FOXP4: variants seen among roughly 807,000 people sequenced by gnomAD.
FOXP4 encodes the protein forkhead box P4.
FOXP4 carries 25 observed loss-of-function variants against 82.6 expected under a neutral mutation model. The observed-to-expected ratio is 0.30, with a 90% CI of 0.22 to 0.42. The LOEUF (loss-of-function observed/expected upper bound fraction) is 0.42. FOXP4 is among the 10% of genes least tolerant of loss of function. The pLI, the probability that FOXP4 is intolerant of heterozygous loss-of-function variation, is 1.00. For synonymous variants in FOXP4, 415 were observed against 388.2 expected (o/e 1.07, Z -0.81); for missense variants, 785 against 900.9 (o/e 0.87, Z 1.65).
intron 1 of FOXP4, among the ~76,000 whole-genome samples, chr6:41,547,734 G>T (rs1030206560): frequency 2.0e-5 from 3 of 151,834 alleles, no homozygotes; most frequent in Non-Finnish European, 1.5e-5. Flanking sequence ...GGCCACGGGG[G>T]CCCGGAGGCC....
chr6:41,568,036 T>G (rs1764979084), intron 2 of FOXP4, among the ~76,000 whole-genome samples: 1 of 152,232 alleles, frequency 6.6e-6, no homozygotes, highest in Admixed American at 6.5e-5. Flanking sequence ...AGATTTCCAA[T>G]TAAAATGAAA....
At chr6:41,572,808 C>G (rs943292832) in intron 2 of FOXP4, among the ~76,000 whole-genome samples, 21 of 152,212 alleles carry the variant, frequency 1.4e-4, no homozygotes, top group Non-Finnish European at 2.4e-4. Context: ...CTTGGTTTCT[C>G]TTCCCTGTGC....
At chr6:41,556,619 C>T (rs757069758) in intron 1 of FOXP4, among the ~76,000 whole-genome samples, 6 of 151,948 alleles carry the variant, frequency 3.9e-5, no homozygotes, top group Non-Finnish European at 8.8e-5. Context: ...CCACCGCGCC[C>T]GGCAAGCGAA....
At chr6:41,569,154 G>T (rs1289805772) in intron 2 of FOXP4, among the ~76,000 whole-genome samples, 1 of 152,176 alleles carries the variant, frequency 6.6e-6, no homozygotes, top group Non-Finnish European at 1.5e-5. Context: ...GCAGTCTTAT[G>T]CCCTATGGGG....
chr6:41,570,848 C>G (rs376566509), intron 2 of FOXP4, among the ~76,000 whole-genome samples: 1 of 152,148 alleles, frequency 6.6e-6, no homozygotes, highest in East Asian at 1.9e-4. Flanking sequence ...CAGGGCAGAA[C>G]TTGGCCTGGA....
intron 2 of FOXP4, among the ~76,000 whole-genome samples, chr6:41,577,768 A>C (rs1765567731): frequency 6.6e-6 from 1 of 152,066 alleles, no homozygotes; most frequent in Non-Finnish European, 1.5e-5. Context: ...ACTGGGTCCC[A>C]GGCTGAGTCT....
chr6:41,598,170 T>C (rs2127410344), intron 16 of FOXP4, among the ~76,000 whole-genome samples: 2 of 137,358 alleles, frequency 1.5e-5, no homozygotes, highest in South Asian at 2.5e-4. Context: ...TCCCACCTTC[T>C]CCTCCCCATT....
In FOXP4 at chr6:41,581,005, A is replaced by G. The variant is rs547036444; in HGVS notation, c.300+2924A>G. Among the ~76,000 whole-genome samples, 11 of 152,368 alleles carry G rather than the reference A, an allele frequency of 7.2e-5. No homozygotes were observed. The East Asian group carries it at 1.3e-3, about 19-fold the overall frequency. On this transcript the variant is annotated intron_variant, in intron 3 of 16. Coordinates refer to ENST00000307972, the MANE Select transcript of FOXP4 (RefSeq NM_001012426.2). ...CCTGGACCCCACCAGGGAGAGACCT[A>G]TCATAGAAGGCAGCACAGGTGGCCG...
chr6:41,577,991 C>A lies in FOXP4; in HGVS notation c.210C>A (p.Leu70=), dbSNP rs141432353. 19 of 1,612,238 alleles carry A rather than the reference C, an allele frequency of 1.2e-5. No homozygotes were observed. The highest frequency in any genetic ancestry group is 1.5e-5 in the Non-Finnish European group (18 of 1,179,884). Residue 70 remains leucine, a synonymous_variant, in exon 3 of 17, where the codon CTC becomes CTA. Transcript: ENST00000307972. ...ELLHFQQQQA[L]QVARQFLLQQ... Reference sequence around the variant, plus strand: ...ACTCAGCCCCTGTCTTGCAGGCTCTCCAAGTGGCCCGGCAGTTCCTGCTGC... The same window carrying A: ...ACTCAGCCCCTGTCTTGCAGGCTCTACAAGTGGCCCGGCAGTTCCTGCTGC...
chr6:41,562,672 A>C (rs1015176302), intron 1 of FOXP4, among the ~76,000 whole-genome samples: 1 of 152,134 alleles, frequency 6.6e-6, no homozygotes, highest in Non-Finnish European at 1.5e-5. Context: ...TCTCCTTTGC[A>C]TGCATACACC....
At chr6:41,575,736 C>T (rs1473861833) in intron 2 of FOXP4, among the ~76,000 whole-genome samples, 1 of 133,794 alleles carries the variant, frequency 7.5e-6, no homozygotes, top group Non-Finnish European at 1.6e-5. Context: ...CAGGGCTCTG[C>T]CCCCAACTGC....
intron 1 of FOXP4, among the ~76,000 whole-genome samples, chr6:41,560,900 C>G (rs1198140615): frequency 6.6e-6 from 1 of 152,216 alleles, no homozygotes; most frequent in Non-Finnish European, 1.5e-5. Context: ...GTGGGGTTCC[C>G]CTTCTCTTTT....
At chr6:41,574,506 T>C (rs1388710499) in intron 2 of FOXP4, among the ~76,000 whole-genome samples, 1 of 152,256 alleles carries the variant, frequency 6.6e-6, no homozygotes, top group African/African-American at 2.4e-5. Context: ...GCCTCCCGTA[T>C]TCAGCCTAGA....
chr6:41,575,581 G>A (rs955773646), intron 2 of FOXP4, among the ~76,000 whole-genome samples: 8 of 152,016 alleles, frequency 5.3e-5, no homozygotes, highest in African/African-American at 1.7e-4. Context: ...ACAGGGAGGG[G>A]GAGGTCTCAG....
intron 8 of FOXP4, among the ~76,000 whole-genome samples, chr6:41,588,257 G>A (rs1035938448): frequency 1.3e-5 from 2 of 152,178 alleles, no homozygotes; most frequent in Non-Finnish European, 1.5e-5. Flanking sequence ...CAGGCAGGGC[G>A]GGAGGTGGAC....
chr6:41,597,889 G>A lies in FOXP4; in HGVS notation c.1834G>A (p.Val612Met), dbSNP rs770662735. The change falls in exon 16 of 17, where the codon GTG (valine) becomes ATG (methionine). Residue 612 changes from valine to methionine, a missense_variant. This residue lies in a region of FOXP4 where 184 missense variants were observed against 187.3 expected (regional missense o/e 0.98). Transcript: ENST00000307972. ...CAGCCACGATGACGTGGGTGCCCCC[G>A]TGGAGCCGCTGCCCAGCAACGGCAG... ...PLSHDDVGAP[V>M]EPLPSNGSSS... 1.1e-5 allele frequency: 17 copies of A among 1,590,598 alleles called. No homozygotes were observed. Among genetic ancestry groups the A allele is most frequent in the African/African-American group, 2.7e-5 (2 of 74,490 alleles).
chr6:41,548,625 A>G (rs1387893261), intron 1 of FOXP4: 1 of 152,404 alleles, frequency 6.6e-6, no homozygotes, highest in Non-Finnish European at 1.5e-5. Flanking sequence ...ACCAGGGCTG[A>G]AGGGCCCCCT....
intron 1 of FOXP4, chr6:41,548,280 G>C (rs1763781113): frequency 6.6e-6 from 1 of 152,294 alleles, no homozygotes; most frequent in South Asian, 2.1e-4. Context: ...GCCGGGAATA[G>C]GGGTGGGGAG....
At chr6:41,587,556 G>A in intron 7 of FOXP4, 44 bp downstream of exon 7, 1 of 1,456,346 alleles carries the variant, frequency 6.9e-7, no homozygotes, top group Non-Finnish European at 9.3e-7. Flanking sequence ...GCCTGCCTGG[G>A]GGTAGACCTG....
Sources: allele counts gnomAD v4.1 joint callset (sites outside exome capture counted in the v4.1 genomes callset), GRCh38; gene constraint gnomAD v4.1.1; regional missense constraint gnomAD v4.1.1; transcripts MANE v1.5; gene names NCBI Gene and HGNC (gene_info 2026-07-23, HGNC 2026-07-21).